Variants in SMIM1 observed in about 807,000 individuals in gnomAD.
SMIM1 encodes the protein small integral membrane protein 1.
In SMIM1, 7 loss-of-function variants were observed where a neutral mutation model predicts 7.7. The ratio of observed to expected loss-of-function variants is 0.91; its 90% confidence interval spans 0.52 to 1.71. The LOEUF (loss-of-function observed/expected upper bound fraction) is 1.71, where lower values mean the gene tolerates loss of function less well. SMIM1 is among the 40% of genes most tolerant of loss of function. SMIM1 has a pLI of 0.00. For synonymous variants in SMIM1, 41 were observed against 42.7 expected, an observed-to-expected ratio of 0.96 and a Z score of 0.16; for missense variants, 95 against 102.8, an observed-to-expected ratio of 0.92 and a Z score of 0.33.
At chr1:3,772,821 C>G (rs1643398843) in intron 1 of SMIM1, 33 bp downstream of exon 1, 1 of 152,508 alleles carries the variant, frequency 6.6e-6, no homozygotes, top group Non-Finnish European at 1.5e-5. Context: ...TGCGGCTTCC[C>G]GGTGCGGCCG....
In SMIM1 at chr1:3,775,418, C is replaced by A. The variant is rs938836150; in HGVS notation, c.45C>A (p.Asp15Glu). The stretch of plus-strand genomic sequence containing the variant: ...ACGTCCACTATAGTAGGTGGGAGGA[C>A]GGCAGCAGGGACGGAGTCAGCCTAG... ...ESHVHYSRWE[D>E]GSRDGVSLGA... Residue 15 changes from aspartate to glutamate, a missense_variant, in exon 3 of 4, where the codon GAC (aspartate) becomes GAA (glutamate). Physicochemically the swap from Asp to Glu is conservative, Grantham distance 45. Transcript: ENST00000642557. This position sits in a 1 kb window ranked among gnomAD's most constrained non-coding sequence, Gnocchi z 5.3. 1.9e-6 allele frequency: 3 copies of A among 1,550,470 alleles called. No individual in the cohort carries two copies. In the Admixed American group the frequency reaches 5.9e-5, roughly 30 times the overall value.
chr1:3,775,329 C>A lies in SMIM1; in HGVS notation c.-45C>A. On this transcript the variant is annotated 5_prime_UTR_variant, in exon 3 of 4. Coordinates refer to ENST00000642557, the MANE Select transcript of SMIM1 (RefSeq NM_001288583.2). The surrounding 1 kb of genome is among the most constrained non-coding windows in gnomAD (Gnocchi z 5.3). ...CCACAGCCTGGCCACCTGTCTTGAT[C>A]TCCCCACCGAGAAGGCCCCGCCCCT... is the stretch of plus-strand genomic sequence containing the variant. 6.8e-7 allele frequency: 1 copy of A among 1,463,122 alleles called. No individual in the cohort carries two copies. The highest frequency in any genetic ancestry group is 9.3e-7 in the Non-Finnish European group (1 of 1,080,834). The allele number at this position is 1,463,122 out of a possible 1,614,324, so 90.6% of individuals were successfully genotyped here.
rs1376590402 is a variant in SMIM1 at position 3,775,004 on chromosome 1, G to C, written c.-75-295G>C. On this transcript the variant is annotated intron_variant, in intron 2 of 3. Coordinates refer to ENST00000642557, the MANE Select transcript of SMIM1 (RefSeq NM_001288583.2). The surrounding 1 kb of genome is among the most constrained non-coding windows in gnomAD (Gnocchi z 5.3). ...CCTCGTCTCTTGAGGGTGGCAGGCT[G>C]TGCAGGCTCCCTGATAAAAGCACCG... Among the ~76,000 whole-genome samples, 1 of 152,170 alleles carries C rather than the reference G, an allele frequency of 6.6e-6. No individual in the cohort carries two copies. The highest frequency in any genetic ancestry group is 1.5e-5 in the Non-Finnish European group (1 of 68,010).
At chr1:3,774,705 C>T (rs186232740) in intron 2 of SMIM1, among the ~76,000 whole-genome samples, 7 of 152,282 alleles carry the variant, frequency 4.6e-5, no homozygotes, top group Non-Finnish European at 7.4e-5. Flanking sequence ...GCATCATGCC[C>T]CCCAAGCCCC....
rs1212126054 is a variant in SMIM1 at position 3,775,873 on chromosome 1, C to T, written c.189C>T (p.Ile63=). Reference sequence around the variant, plus strand: ...GCGGCGTGGCCCTCTTCTGGATCATCTTCATCCTGGGCTACCTCACAGGCT... The same window carrying T: ...GCGGCGTGGCCCTCTTCTGGATCATTTTCATCCTGGGCTACCTCACAGGCT... ...VLGGVALFWI[I]FILGYLTGYY... The change falls in exon 4 of 4, where the codon ATC becomes ATT. Residue 63 remains isoleucine, a synonymous_variant. Transcript: ENST00000642557. The surrounding 1 kb of genome is among the most constrained non-coding windows in gnomAD (Gnocchi z 5.3). 1.1e-5 allele frequency: 17 copies of T among 1,550,822 alleles called. No homozygotes were observed. The highest frequency in any genetic ancestry group is 2.0e-5 in the Admixed American group (1 of 50,982).
Position 3,775,886 on chromosome 1 carries a change from T to G in SMIM1, c.202T>G (p.Tyr68Asp). ...ALFWIIFILGYLTGYYVHKCK is the reference protein window; with the variant it reads ...ALFWIIFILGDLTGYYVHKCK ...CTTCTGGATCATCTTCATCCTGGGC[T>G]ACCTCACAGGCTACTATGTGCACAA... Residue 68 changes from tyrosine to aspartate, a missense_variant, in exon 4 of 4, where the codon TAC (tyrosine) becomes GAC (aspartate). Physicochemically the swap from Tyr to Asp is radical, Grantham distance 160. Coordinates refer to ENST00000642557, the MANE Select transcript of SMIM1 (RefSeq NM_001288583.2). This position sits in a 1 kb window ranked among gnomAD's most constrained non-coding sequence, Gnocchi z 5.3. The G allele has an allele frequency of 6.4e-7, 1 of 1,550,812 alleles. No homozygotes were observed. The highest frequency in any genetic ancestry group is 8.7e-7 in the Non-Finnish European group (1 of 1,146,924).
Position 3,775,712 on chromosome 1 carries a change from C to G in SMIM1, c.111-83C>G. On this transcript the variant is annotated intron_variant, in intron 3 of 3. Transcript: ENST00000642557. This position sits in a 1 kb window ranked among gnomAD's most constrained non-coding sequence, Gnocchi z 5.3. ...GAGCGCCCAGGCCCCTCCCCCTGAC[C>G]CAGACCAACGGCCACAGTCCACTTA... is the stretch of plus-strand genomic sequence containing the variant. 1 of 1,491,034 alleles carries G rather than the reference C, an allele frequency of 6.7e-7. No homozygotes were observed. Among genetic ancestry groups the G allele is most frequent in the Non-Finnish European group, 8.9e-7 (1 of 1,122,036 alleles). 92.4% of individuals were successfully genotyped at this position (1,491,034 alleles called of 1,614,324 possible).
rs779762748 is a variant in SMIM1, at chr1:3,775,430, C to T, written c.57C>T (p.Asp19=). 45 of 1,550,336 alleles carry T rather than the reference C, an allele frequency of 2.9e-5. No homozygotes were observed. The East Asian group carries it at 3.9e-4, about 13-fold the overall frequency. The change falls in exon 3 of 4, where the codon GAC becomes GAT. Residue 19 remains aspartate, a synonymous_variant. Transcript: ENST00000642557. This position sits in a 1 kb window ranked among gnomAD's most constrained non-coding sequence, Gnocchi z 5.3. ...HYSRWEDGSR[D]GVSLGAVSST... is the part of the protein sequence containing the mutation. ...GTAGGTGGGAGGACGGCAGCAGGGA[C>T]GGAGTCAGCCTAGGGGCTGTGTCCA...
At chr1:3,772,970 C>A (rs1006932311) in intron 1 of SMIM1, 93 bp from the exon 2 acceptor site, 2 of 152,348 alleles carry the variant, frequency 1.3e-5, no homozygotes, top group African/African-American at 4.8e-5. Context: ...CCTTGCCCGG[C>A]TCCTTGTGGC....
Position 3,775,952 on chromosome 1 carries a change from C to A in SMIM1, c.*31C>A, listed in dbSNP as rs1643453140. 1 of 1,540,914 alleles carries A rather than the reference C, an allele frequency of 6.5e-7. No homozygotes were observed. The highest frequency in any genetic ancestry group is 8.7e-7 in the Non-Finnish European group (1 of 1,144,840). The stretch of plus-strand genomic sequence containing the variant: ...GCCCCGCATGCACGCGGGGGGCTGG[C>A]CGCACACGTGAGAGCACAGGCCTGG... On this transcript the variant is annotated 3_prime_UTR_variant, in exon 4 of 4. Transcript: ENST00000642557. This position sits in a 1 kb window ranked among gnomAD's most constrained non-coding sequence, Gnocchi z 5.3.
Position 3,775,391 on chromosome 1 carries a change from C to T in SMIM1, c.18C>T (p.Ser6=). The T allele has an allele frequency of 6.5e-7, 1 of 1,550,096 alleles. No homozygotes were observed. The highest frequency in any genetic ancestry group is 8.7e-7 in the Non-Finnish European group (1 of 1,146,646). ...CCCACAGCATGCAGCCCCAGGAGAG[C>T]CACGTCCACTATAGTAGGTGGGAGG... MQPQE[S]HVHYSRWEDG... Residue 6 remains serine, a synonymous_variant, in exon 3 of 4, where the codon AGC becomes AGT. Transcript: ENST00000642557. The surrounding 1 kb of genome is among the most constrained non-coding windows in gnomAD (Gnocchi z 5.3).
Position 3,775,773 on chromosome 1 carries a change from C to T in SMIM1, c.111-22C>T, listed in dbSNP as rs1557637307. The T allele has an allele frequency of 6.5e-7, 1 of 1,547,458 alleles. No homozygotes were observed. The highest frequency in any genetic ancestry group is 2.4e-5 in the East Asian group (1 of 40,910). The stretch of plus-strand genomic sequence containing the variant: ...CATGCGGCCCTGGCCTGGGGCTCAC[C>T]TCCAGTTGGTTCTCACCCCAGGATC... On this transcript the variant is annotated intron_variant, in intron 3 of 3. Coordinates refer to ENST00000642557, the MANE Select transcript of SMIM1 (RefSeq NM_001288583.2). This position sits in a 1 kb window ranked among gnomAD's most constrained non-coding sequence, Gnocchi z 5.3.
At chr1:3,774,730 T>G (rs921015590) in intron 2 of SMIM1, among the ~76,000 whole-genome samples, 3 of 151,920 alleles carry the variant, frequency 2.0e-5, no homozygotes, top group African/African-American at 4.8e-5. Flanking sequence ...CTCCTAGAGG[T>G]GTGGGTGGGG....
At chr1:3,773,033 C>A (rs958695386) in intron 1 of SMIM1, 30 bp from the exon 2 acceptor site, 2 of 152,268 alleles carry the variant, frequency 1.3e-5, no homozygotes, top group Admixed American at 6.5e-5. Context: ...TTAGCAAGAT[C>A]GGCTTCTCCG....
chr1:3,773,407 C>T (rs886360206), intron 2 of SMIM1, among the ~76,000 whole-genome samples: 11 of 152,212 alleles, frequency 7.2e-5, no homozygotes, highest in Admixed American at 5.2e-4. Flanking sequence ...GCCTCAAGGG[C>T]CGGCTCTGGT....
In SMIM1 at chr1:3,775,358, G is replaced by C. The variant is rs762872811; in HGVS notation, c.-16G>C. 1.9e-6 allele frequency: 3 copies of C among 1,538,748 alleles called. No homozygotes were observed. The highest frequency in any genetic ancestry group is 1.4e-5 in the African/African-American group (1 of 71,864). On this transcript the variant is annotated 5_prime_UTR_variant, in exon 3 of 4. Coordinates refer to ENST00000642557, the MANE Select transcript of SMIM1 (RefSeq NM_001288583.2). This position sits in a 1 kb window ranked among gnomAD's most constrained non-coding sequence, Gnocchi z 5.3. ...CCACCGAGAAGGCCCCGCCCCTCCC[G>C]CTGCAGCCCCACAGCATGCAGCCCC...
intron 2 of SMIM1, among the ~76,000 whole-genome samples, chr1:3,774,028 A>G (rs142625104): frequency 2.2e-3 from 336 of 152,292 alleles, no homozygotes; most frequent in African/African-American, 7.9e-3. Flanking sequence ...CTTTGGGGGA[A>G]GGCAGACATG....
rs114227844 is a variant in SMIM1, at chr1:3,774,026, G to A, written c.-76+845G>A. 4.4e-3 allele frequency among the ~76,000 whole-genome samples: 673 copies of A among 152,342 alleles called. 1 individual carries two copies. Among genetic ancestry groups the A allele is most frequent in the African/African-American group, 0.016 (645 of 41,568 alleles). ...CCTTCTGCCTCTCTGGGCTTTGGGG[G>A]AAGGCAGACATGGAAGTGCCGGGAG... On this transcript the variant is annotated intron_variant, in intron 2 of 3. Transcript: ENST00000642557.
rs1002886403 is a variant in SMIM1, at chr1:3,775,167, T to C, written c.-75-132T>C. ...CCCTGGGCAAATGACTCTACCACTT[T>C]GTGTCTAGGTCACCTGTTAAGTCAG... On this transcript the variant is annotated intron_variant, in intron 2 of 3. Transcript: ENST00000642557. The surrounding 1 kb of genome is among the most constrained non-coding windows in gnomAD (Gnocchi z 5.3). 8.1e-5 allele frequency: 40 copies of C among 494,522 alleles called. No individual in the cohort carries two copies. The highest frequency in any genetic ancestry group is 1.3e-4 in the Non-Finnish European group (36 of 269,842). The allele number at this position is 494,522 out of a possible 1,614,324, so 30.6% of individuals were successfully genotyped here.
Sources: gnomAD v4.1 joint callset for allele counts (sites outside exome capture counted in the v4.1 genomes callset) on GRCh38, gnomAD v4.1.1 for gene constraint, Gnocchi (gnomAD v3.1) non-coding constraint, MANE v1.5 for transcripts, NCBI Gene and HGNC (gene_info 2026-07-23, HGNC 2026-07-21) for gene names.